The following DISC1 variants were observed in gnomAD, a reference collection of about 807,000 sequenced individuals.
DISC1 encodes DISC1 scaffold protein, also known as disrupted in schizophrenia 1 protein.
In DISC1, 57 loss-of-function variants were observed where a neutral mutation model predicts 84.5. The observed-to-expected ratio is 0.67, with a 90% confidence interval of 0.55 to 0.84. The LOEUF is 0.84. DISC1 is among the 40% of genes least tolerant of loss of function. DISC1 has a pLI of 0.00. For synonymous variants in DISC1, 411 were observed against 415.2 expected, an observed-to-expected ratio of 0.99 and a Z score of 0.12; for missense variants, 1,000 against 1,057.8, an observed-to-expected ratio of 0.95 and a Z score of 0.76.
Position 232,012,647 on chromosome 1 carries a change from T to G in DISC1, c.2307+3598T>G, listed in dbSNP as rs544574530. ...AAATCTTCCATGAAAAATTACTGACTTCTTATAGAGGTCCACAGGAAGATG... is the reference window on the plus strand; with the variant it reads ...AAATCTTCCATGAAAAATTACTGACGTCTTATAGAGGTCCACAGGAAGATG... On this transcript the variant is annotated intron_variant, in intron 11 of 12. Transcript: ENST00000439617. Among the ~76,000 whole-genome samples, 14 of 152,322 alleles carry G rather than the reference T, an allele frequency of 9.2e-5. No individual in the cohort carries two copies. The East Asian group carries it at 2.7e-3, about 29-fold the overall frequency.
chr1:231,905,351 G>C (rs1195716888), intron 9 of DISC1, among the ~76,000 whole-genome samples: 1 of 152,194 alleles, frequency 6.6e-6, no homozygotes, highest in Non-Finnish European at 1.5e-5. Flanking sequence ...GTACGCAGTG[G>C]CTCATGCCTA....
intron 9 of DISC1, among the ~76,000 whole-genome samples, chr1:231,870,706 A>C (rs1260622436): frequency 6.6e-6 from 1 of 152,156 alleles, no homozygotes; most frequent in Admixed American, 6.5e-5. Flanking sequence ...AGAATGATAG[A>C]CATATCTTCA....
intron 9 of DISC1, among the ~76,000 whole-genome samples, chr1:231,894,919 G>A (rs1369626026): frequency 6.7e-6 from 1 of 149,072 alleles, no homozygotes; most frequent in Admixed American, 6.7e-5. Flanking sequence ...CTTATCACAT[G>A]CACACACACA....
intron 9 of DISC1, among the ~76,000 whole-genome samples, chr1:231,867,160 T>G (rs1181817559): frequency 2.0e-5 from 3 of 152,176 alleles, no homozygotes; most frequent in African/African-American, 7.2e-5. Flanking sequence ...ATGGCTGTCT[T>G]CTTAGCAGTA....
In DISC1 at chr1:231,740,488, G is replaced by A. The variant is rs143337756; in HGVS notation, c.1118-9438G>A. ...AGGAGCAGAGTGCTGGCATGGAGAA[G>A]AGACAGGGTGGCTGAGCGAGCTCAC... On this transcript the variant is annotated intron_variant, in intron 3 of 12. Transcript: ENST00000439617. Among the ~76,000 whole-genome samples the A allele has an allele frequency of 2.4e-3, 363 of 152,326 alleles. 3 individuals are homozygous for A. Among genetic ancestry groups the A allele is most frequent in the African/African-American group, 8.4e-3 (348 of 41,576 alleles).
intron 9 of DISC1, among the ~76,000 whole-genome samples, chr1:231,952,115 AAAAG>A (rs1424053877): frequency 6.9e-6 from 1 of 145,898 alleles, no homozygotes; most frequent in African/African-American, 2.5e-5. Flanking sequence ...AAAAAAAAAG[AAAAG>A]AAAAGAAAGA....
chr1:231,788,848 T>C (rs1473441429), intron 6 of DISC1, among the ~76,000 whole-genome samples: 1 of 151,988 alleles, frequency 6.6e-6, no homozygotes, highest in African/African-American at 2.4e-5. Flanking sequence ...CATCCTGTGG[T>C]TTGAGTGTGC....
intron 1 of DISC1, among the ~76,000 whole-genome samples, chr1:231,681,729 C>T (rs531949544): frequency 5.1e-4 from 77 of 151,806 alleles, no homozygotes; most frequent in African/African-American, 1.2e-3. Context: ...GAGTTTTACT[C>T]TTGTTGCCCA....
intron 9 of DISC1, among the ~76,000 whole-genome samples, chr1:231,837,161 A>T (rs2082684541): frequency 6.6e-6 from 1 of 152,212 alleles, no homozygotes; most frequent in African/African-American, 2.4e-5. Flanking sequence ...GCCCCAAAGT[A>T]GAAGCTTTTA....
At chr1:231,880,880 A>G (rs12740724) in intron 9 of DISC1, among the ~76,000 whole-genome samples, 51,613 of 151,898 alleles carry the variant, frequency 0.34, 8,942 homozygotes, top group Middle Eastern at 0.41. Flanking sequence ...GGAATATCTC[A>G]TAGGAAAAAC....
intron 8 of DISC1, among the ~76,000 whole-genome samples, chr1:231,807,032 G>A (rs797022518): frequency 2.0e-4 from 30 of 152,324 alleles, no homozygotes; most frequent in African/African-American, 6.7e-4. Flanking sequence ...TTGAGTCCGC[G>A]TCCACCGTCT....
At chr1:231,998,123 A>G (rs2102949237) in intron 10 of DISC1, among the ~76,000 whole-genome samples, 1 of 152,388 alleles carries the variant, frequency 6.6e-6, no homozygotes, top group Non-Finnish European at 1.5e-5. Context: ...TTTAAGTTTC[A>G]GTAAATGCAT....
intron 3 of DISC1, chr1:231,723,983 C>T (rs2070257170): frequency 1.0e-6 from 1 of 985,312 alleles, no homozygotes; most frequent in African/African-American, 1.7e-5. Flanking sequence ...CACCATGACC[C>T]TGTATATACA....
chr1:231,747,343 C>A (rs2074101680), intron 3 of DISC1, among the ~76,000 whole-genome samples: 1 of 152,004 alleles, frequency 6.6e-6, no homozygotes, highest in Admixed American at 6.6e-5. Flanking sequence ...AAATGTTTTC[C>A]CAGGCTCATG....
intron 6 of DISC1, among the ~76,000 whole-genome samples, chr1:231,780,192 C>G (rs1420065380): frequency 1.5e-5 from 2 of 132,902 alleles, no homozygotes; most frequent in African/African-American, 5.8e-5. Context: ...AAATATGTAA[C>G]TAACCTGCAC....
intron 9 of DISC1, among the ~76,000 whole-genome samples, chr1:231,880,056 G>A (rs1036879637): frequency 6.6e-6 from 1 of 152,200 alleles, no homozygotes; most frequent in Non-Finnish European, 1.5e-5. Flanking sequence ...GGGCCTATAA[G>A]AGGTGGTTGG....
At chr1:231,927,414 G>A (rs905571525) in intron 9 of DISC1, among the ~76,000 whole-genome samples, 1 of 152,362 alleles carries the variant, frequency 6.6e-6, no homozygotes, top group East Asian at 1.9e-4. Flanking sequence ...AGTAGCTGGA[G>A]TAGCTGGACC....
At chr1:232,013,906 G>A (rs1668248338) in intron 11 of DISC1, among the ~76,000 whole-genome samples, 1 of 152,040 alleles carries the variant, frequency 6.6e-6, no homozygotes, top group African/African-American at 2.4e-5. Context: ...TGGTTTCTAT[G>A]GCTTGCATCC....
chr1:231,866,695 A>C, intron 9 of DISC1: 2 of 1,364,496 alleles, frequency 1.5e-6, no homozygotes, highest in Non-Finnish European at 9.5e-7. Context: ...CACAATAAAA[A>C]GAAAAAAAGA....
Sources: allele counts gnomAD v4.1 joint callset (sites outside exome capture counted in the v4.1 genomes callset), GRCh38; gene constraint gnomAD v4.1.1; transcripts MANE v1.5; gene names NCBI Gene and HGNC (gene_info 2026-07-23, HGNC 2026-07-21).